The following CRKL variants were observed in gnomAD, a reference collection of about 807,000 sequenced individuals.
CRKL encodes the protein crk-like protein.
In CRKL, 3 loss-of-function variants were observed where a neutral mutation model predicts 23.0. The observed-to-expected ratio is 0.13, with a 90% CI of 0.06 to 0.34. CRKL has a LOEUF of 0.34. Ranked by LOEUF, CRKL falls within the 10% of genes least tolerant of loss-of-function variation. The probability of loss-of-function intolerance (pLI) is 1.00; values close to 1 mark genes in which losing one functional copy is unlikely to be tolerated. For missense variants in CRKL, 256 were observed against 394.5 expected (o/e 0.65, Z 2.97); for synonymous variants, 188 against 160.7 (o/e 1.17, Z -1.28).
Position 20,951,956 on chromosome 22 carries a change from G to A in CRKL, c.*2111G>A. ...GCAGTTGCCGCTTCTGGTTAGGTGT[G>A]TCAGGTTGGCTTATTTTGGGTTCAG... On this transcript the variant is annotated 3_prime_UTR_variant, in exon 3 of 3. Transcript: ENST00000354336. 1 of 223,238 alleles carries A rather than the reference G, an allele frequency of 4.5e-6. No homozygotes were observed. Among genetic ancestry groups the A allele is most frequent in the Non-Finnish European group, 8.9e-6 (1 of 111,882 alleles). 13.8% of individuals were successfully genotyped at this position (223,238 alleles called of 1,614,324 possible). A position where few individuals can be genotyped will look rare whatever the true frequency, so the allele number is the denominator to read the frequency against.
chr22:20,949,194 C>T (rs1028183962), intron 2 of CRKL, among the ~76,000 whole-genome samples: 3 of 152,058 alleles, frequency 2.0e-5, no homozygotes, highest in Non-Finnish European at 4.4e-5. Context: ...GGCACTATCA[C>T]GGCTCACTGC....
chr22:20,926,076 T>G (rs1400264426), intron 1 of CRKL, among the ~76,000 whole-genome samples: 1 of 152,142 alleles, frequency 6.6e-6, no homozygotes, highest in Non-Finnish European at 1.5e-5. Flanking sequence ...ACTGATTCTT[T>G]AAGGATGAGA....
chr22:20,934,160 A>C lies in CRKL; in HGVS notation c.693A>C (p.Pro231=), dbSNP rs1378248147. ...GSPGAAITPL[P]STQNGPVFAK... ...CTGGGGCAGCAATCACCCCTTTGCC[A>C]TCCACACAGAATGGACCTGTCTTTG... The change falls in exon 2 of 3, where the codon CCA becomes CCC. Residue 231 remains proline (P), a synonymous_variant. Coordinates refer to ENST00000354336, the MANE Select transcript of CRKL (RefSeq NM_005207.4). 17 of 1,614,104 alleles carry C rather than the reference A, an allele frequency of 1.1e-5. No homozygotes were observed. Among genetic ancestry groups the C allele is most frequent in the Non-Finnish European group, 1.4e-5 (16 of 1,180,044 alleles).
rs781624578 is a variant in CRKL at position 20,952,014 on chromosome 22, T to C, written c.*2169T>C. The C allele has an allele frequency of 7.1e-5, 16 of 224,234 alleles. No homozygotes were observed. The highest frequency in any genetic ancestry group is 1.1e-4 in the Non-Finnish European group (12 of 112,584). The allele number at this position is 224,234 out of a possible 1,614,324, so 13.9% of individuals were successfully genotyped here. A position where few individuals can be genotyped will look rare whatever the true frequency, so the allele number is the denominator to read the frequency against. On this transcript the variant is annotated 3_prime_UTR_variant, in exon 3 of 3. Transcript: ENST00000354336. ...GTAGCACCCACAAGTGGCAGACATA[T>C]CACAAGAGTCCCCAGACTCTGCCTA...
intron 1 of CRKL, among the ~76,000 whole-genome samples, chr22:20,933,160 G>T (rs1921517116): frequency 6.6e-6 from 1 of 151,738 alleles, no homozygotes; most frequent in African/African-American, 2.4e-5. Flanking sequence ...CACGAGGTCA[G>T]GAGATCAAGA....
rs186288227 is a variant in CRKL at position 20,949,432 on chromosome 22, C to T, written c.778-279C>T. Reference sequence around the variant, plus strand: ...CTGCATTCCAGCCTGGGCGACAGACCCCGTCTATAAAAAATTAAAAAATAA... The same window carrying T: ...CTGCATTCCAGCCTGGGCGACAGACTCCGTCTATAAAAAATTAAAAAATAA... On this transcript the variant is annotated intron_variant, in intron 2 of 2. Transcript: ENST00000354336. 2.4e-4 allele frequency among the ~76,000 whole-genome samples: 37 copies of T among 152,126 alleles called. No individual in the cohort carries two copies. The East Asian group carries it at 6.4e-3, about 26-fold the overall frequency.
intron 1 of CRKL, among the ~76,000 whole-genome samples, chr22:20,933,134 GC>G (rs1921515941): frequency 2.0e-5 from 3 of 152,000 alleles, no homozygotes; most frequent in Admixed American, 6.6e-5. Context: ...ACTTTGGGAG[GC>G]CGAGGCAGGC....
At chr22:20,924,928 G>A (rs1921140271) in intron 1 of CRKL, among the ~76,000 whole-genome samples, 1 of 152,048 alleles carries the variant, frequency 6.6e-6, no homozygotes, top group Admixed American at 6.6e-5. Context: ...GGTGGCTCAC[G>A]CCTGTAATCC....
At chr22:20,935,401 C>T (rs975021894) in intron 2 of CRKL, among the ~76,000 whole-genome samples, 4 of 152,210 alleles carry the variant, frequency 2.6e-5, no homozygotes, top group African/African-American at 9.6e-5. Flanking sequence ...ACATGTGCGA[C>T]CACGCCCAGC....
chr22:20,925,299 A>G (rs1921158829), intron 1 of CRKL, among the ~76,000 whole-genome samples: 1 of 151,488 alleles, frequency 6.6e-6, no homozygotes, highest in Non-Finnish European at 1.5e-5. Flanking sequence ...TTTCCTTTTG[A>G]TCTGAATGAT....
Position 20,949,877 on chromosome 22 carries a change from G to T in CRKL, c.*32G>T. 6.3e-7 allele frequency: 1 copy of T among 1,592,328 alleles called. No individual in the cohort carries two copies. The highest frequency in any genetic ancestry group is 8.5e-7 in the Non-Finnish European group (1 of 1,170,880). ...TTGCCCTGTTTCCTGCTGCTTTGTT[G>T]TTCTGCCTGTCCTAGTCTCCTTTGA... is the stretch of plus-strand genomic sequence containing the variant. On this transcript the variant is annotated 3_prime_UTR_variant, in exon 3 of 3. Transcript: ENST00000354336.
At chr22:20,932,032 C>T (rs905285039) in intron 1 of CRKL, among the ~76,000 whole-genome samples, 4 of 151,852 alleles carry the variant, frequency 2.6e-5, no homozygotes, top group Admixed American at 2.6e-4. Context: ...AGGATGGTCT[C>T]GATCTCCTGA....
At chr22:20,943,485 C>T (rs1211935746) in intron 2 of CRKL, among the ~76,000 whole-genome samples, 1 of 152,156 alleles carries the variant, frequency 6.6e-6, no homozygotes, top group Non-Finnish European at 1.5e-5. Flanking sequence ...GGTGATCCAC[C>T]TGCCTTGGCC....
rs1043242 is a variant in CRKL, at chr22:20,952,455, A to G, written c.*2610A>G. 151,924 of 230,424 alleles carry G rather than the reference A, an allele frequency of 0.66. 50,915 individuals are homozygous for G. Among genetic ancestry groups the G allele is most frequent in the South Asian group, 0.81 (4,437 of 5,480 alleles). The allele number at this position is 230,424 out of a possible 1,614,324, so 14.3% of individuals were successfully genotyped here. On this transcript the variant is annotated 3_prime_UTR_variant, in exon 3 of 3. Coordinates refer to ENST00000354336, the MANE Select transcript of CRKL (RefSeq NM_005207.4). ...CGAGCTTGAGTTCTGCACTCCAGATATGTGCCAAAACTAGTAAAACTTAAC... is the reference window on the plus strand; with the variant it reads ...CGAGCTTGAGTTCTGCACTCCAGATGTGTGCCAAAACTAGTAAAACTTAAC...
intron 1 of CRKL, 78 bp from the exon 2 acceptor site, chr22:20,933,701 G>C: frequency 1.8e-6 from 2 of 1,124,528 alleles, no homozygotes; most frequent in Non-Finnish European, 1.3e-6. Flanking sequence ...ATAGAGGAGA[G>C]TGGTATATTA....
chr22:20,918,278 G>A (rs372895250), intron 1 of CRKL, 33 bp downstream of exon 1: 3 of 1,606,314 alleles, frequency 1.9e-6, no homozygotes, highest in Non-Finnish European at 1.7e-6. Flanking sequence ...CGCGGAGGAA[G>A]GTCGAGAACC....
At chr22:20,923,992 G>T (rs1488653744) in intron 1 of CRKL, among the ~76,000 whole-genome samples, 1 of 151,944 alleles carries the variant, frequency 6.6e-6, no homozygotes, top group African/African-American at 2.4e-5. Flanking sequence ...TTTGAGACCA[G>T]CCCTGGCAAG....
chr22:20,918,706 C>T (rs775485663), intron 1 of CRKL, among the ~76,000 whole-genome samples: 2 of 151,486 alleles, frequency 1.3e-5, no homozygotes, highest in Non-Finnish European at 2.9e-5. Context: ...ATTCTCCTGC[C>T]TTAGCCTCCC....
chr22:20,922,597 T>A (rs1393365747), intron 1 of CRKL, among the ~76,000 whole-genome samples: 1 of 152,106 alleles, frequency 6.6e-6, no homozygotes, highest in African/African-American at 2.4e-5. Context: ...GATGATTTGG[T>A]CTATTTGTAA....
Sources: gnomAD v4.1 joint callset for allele counts (sites outside exome capture counted in the v4.1 genomes callset) on GRCh38, gnomAD v4.1.1 for gene constraint, MANE v1.5 for transcripts, NCBI Gene and HGNC (gene_info 2026-07-23, HGNC 2026-07-21) for gene names.